MACROD2: variants seen among roughly 807,000 people sequenced by gnomAD.
The protein encoded by MACROD2 is ADP-ribose glycohydrolase MACROD2.
MACROD2 carries 36 observed loss-of-function variants against 70.4 expected under a neutral mutation model. The observed-to-expected ratio is 0.51, with a 90% CI of 0.39 to 0.68. The LOEUF (loss-of-function observed/expected upper bound fraction) is 0.68, where lower values mean the gene tolerates loss of function less well. MACROD2 is among the 30% of genes least tolerant of loss of function. MACROD2 has a pLI of 0.00. For synonymous variants in MACROD2, 172 were observed against 178.8 expected (o/e 0.96, Z 0.30); for missense variants, 496 against 538.4 (o/e 0.92, Z 0.78).
At chr20:15,814,232 C>T (rs879907734) in intron 8 of MACROD2, among the ~76,000 whole-genome samples, 5 of 152,230 alleles carry the variant, frequency 3.3e-5, no homozygotes, top group Non-Finnish European at 7.3e-5. Flanking sequence ...CCAGTATCTG[C>T]AACTCTGTTG....
At chr20:14,108,568 G>C (rs1051621929) in intron 3 of MACROD2, among the ~76,000 whole-genome samples, 3 of 151,494 alleles carry the variant, frequency 2.0e-5, no homozygotes, top group African/African-American at 7.3e-5. Flanking sequence ...TAAAGGGAGG[G>C]AAAAGATATT....
intron 5 of MACROD2, among the ~76,000 whole-genome samples, chr20:14,717,965 T>TACAC (rs535790336): frequency 6.6e-6 from 1 of 151,174 alleles, no homozygotes; most frequent in Non-Finnish European, 1.5e-5. Context: ...AAACCAAAAA[T>TACAC]ACACACACAC....
chr20:15,310,412 C>T (rs1294227477), intron 6 of MACROD2, among the ~76,000 whole-genome samples: 2 of 152,194 alleles, frequency 1.3e-5, no homozygotes, highest in East Asian at 3.9e-4. Context: ...CAAAAGTCTA[C>T]TCATTTGGTT....
intron 12 of MACROD2, among the ~76,000 whole-genome samples, chr20:15,947,442 CA>C (rs11302561): frequency 0.73 from 111,286 of 152,008 alleles, 40,927 homozygotes; most frequent in Non-Finnish European, 0.77. Context: ...AGCCTGTAAA[CA>C]TTATGTTAAC....
intron 5 of MACROD2, among the ~76,000 whole-genome samples, chr20:15,196,489 A>G (rs747742692): frequency 4.6e-5 from 7 of 152,174 alleles, no homozygotes; most frequent in Admixed American, 2.0e-4. Context: ...AATGTCTTAG[A>G]GGACCATAAA....
intron 4 of MACROD2, among the ~76,000 whole-genome samples, chr20:14,678,186 C>G (rs1020516737): frequency 2.0e-5 from 3 of 152,132 alleles, no homozygotes; most frequent in African/African-American, 7.2e-5. Flanking sequence ...TGCATTCAGC[C>G]TGCAGACAAT....
At chr20:15,569,050 A>G (rs747264612) in intron 8 of MACROD2, among the ~76,000 whole-genome samples, 2 of 152,146 alleles carry the variant, frequency 1.3e-5, no homozygotes, top group Non-Finnish European at 1.5e-5. Context: ...ACTTCCCCCA[A>G]TAATTCTGAA....
chr20:14,364,368 A>G (rs2083252937), intron 3 of MACROD2, among the ~76,000 whole-genome samples: 1 of 152,160 alleles, frequency 6.6e-6, no homozygotes, highest in Non-Finnish European at 1.5e-5. Flanking sequence ...GGATCTTACA[A>G]AGGTTTAGTT....
At chr20:15,497,549 C>A (rs970113697) in intron 7 of MACROD2, among the ~76,000 whole-genome samples, 6 of 152,152 alleles carry the variant, frequency 3.9e-5, no homozygotes, top group African/African-American at 1.4e-4. Context: ...CTCGGCCCTT[C>A]AAAGTGCTGG....
intron 8 of MACROD2, among the ~76,000 whole-genome samples, chr20:15,517,584 T>C (rs2047586389): frequency 6.6e-6 from 1 of 152,180 alleles, no homozygotes; most frequent in South Asian, 2.1e-4. Context: ...TAGTAGGGGC[T>C]TAATAAATGT....
chr20:14,633,572 TA>T (rs11476055), intron 4 of MACROD2, among the ~76,000 whole-genome samples: 20,893 of 152,054 alleles, frequency 0.14, 1,514 homozygotes, highest in Middle Eastern at 0.23. Flanking sequence ...CAAATAAACT[TA>T]AAAAAACCAA....
At chr20:15,874,377 G>A (rs943106854) in intron 9 of MACROD2, among the ~76,000 whole-genome samples, 1 of 151,966 alleles carries the variant, frequency 6.6e-6, no homozygotes, top group Admixed American at 6.6e-5. Flanking sequence ...ATAAACATAC[G>A]TGTGCATGTG....
chr20:15,866,630 T>G (rs895557674), intron 9 of MACROD2, among the ~76,000 whole-genome samples: 2 of 152,168 alleles, frequency 1.3e-5, no homozygotes, highest in African/African-American at 2.4e-5. Flanking sequence ...TCAGAGCATC[T>G]TTAGAGAAGG....
At chr20:15,417,613 AAAAG>A (rs1188343531) in intron 6 of MACROD2, among the ~76,000 whole-genome samples, 13,671 of 133,268 alleles carry the variant, frequency 0.1, 1,011 homozygotes, top group Non-Finnish European at 0.15. Context: ...AAAAAAAAAA[AAAAG>A]AAAGAAAGAA....
chr20:15,262,413 G>A (rs6034137), intron 6 of MACROD2, among the ~76,000 whole-genome samples: 39,659 of 151,830 alleles, frequency 0.26, 5,257 homozygotes, highest in East Asian at 0.36. Flanking sequence ...ACTCCATTGC[G>A]TATATGTACC....
At chr20:15,910,781 A>C (rs1472169066) in intron 10 of MACROD2, among the ~76,000 whole-genome samples, 3 of 152,182 alleles carry the variant, frequency 2.0e-5, no homozygotes, top group African/African-American at 7.2e-5. Flanking sequence ...GCAACCTACC[A>C]CATGGTTTGT....
chr20:15,056,171 A>C (rs1454565971), intron 5 of MACROD2, among the ~76,000 whole-genome samples: 4 of 152,174 alleles, frequency 2.6e-5, no homozygotes, highest in Non-Finnish European at 5.9e-5. Context: ...TGGAAGTCTG[A>C]CATTTATGGC....
At chr20:14,938,041 G>A (rs1555852682) in intron 5 of MACROD2, among the ~76,000 whole-genome samples, 1 of 137,346 alleles carries the variant, frequency 7.3e-6, no homozygotes, top group Non-Finnish European at 1.6e-5. Flanking sequence ...TTTATTGGAT[G>A]ACTCATGTTC....
chr20:14,129,953 T>C (rs148286199), intron 3 of MACROD2, among the ~76,000 whole-genome samples: 233 of 152,344 alleles, frequency 1.5e-3, no homozygotes, highest in African/African-American at 5.4e-3. Flanking sequence ...AAAATTTGTG[T>C]GACTCGCTTT....
Sources: gnomAD v4.1 joint callset for allele counts (sites outside exome capture counted in the v4.1 genomes callset) on GRCh38, gnomAD v4.1.1 for gene constraint, MANE v1.5 for transcripts, NCBI Gene and HGNC (gene_info 2026-07-23, HGNC 2026-07-21) for gene names.